Variants in KIAA1671 observed in about 807,000 individuals in gnomAD.
KIAA1671 encodes the protein KIAA1671.
In KIAA1671, 52 loss-of-function variants were observed where a neutral mutation model predicts 131.2. The ratio of observed to expected loss-of-function variants is 0.40; its 90% CI spans 0.32 to 0.50. The LOEUF is 0.50. Among genes scored for constraint, KIAA1671 ranks in the 20% least tolerant of loss-of-function variants. The pLI, the probability that KIAA1671 is intolerant of heterozygous loss-of-function variation, is 0.73. For missense variants in KIAA1671, 2,360 were observed against 2,364.2 expected (o/e 1.00, Z 0.04); for synonymous variants, 1,003 against 961.6 (o/e 1.04, Z -0.80).
chr22:24,953,556 GTT>G (rs1921531287), intron 1 of KIAA1671, among the ~76,000 whole-genome samples: 1 of 152,014 alleles, frequency 6.6e-6, no homozygotes. Context: ...CAGTCCCCCT[GTT>G]ACCAGGCAGG....
At chr22:25,082,374 C>T (rs559043421) in intron 6 of KIAA1671, among the ~76,000 whole-genome samples, 2 of 152,222 alleles carry the variant, frequency 1.3e-5, no homozygotes, top group South Asian at 2.1e-4. Context: ...AACCACAATG[C>T]GCAGAGGCCA....
Position 25,049,274 on chromosome 22 carries a change from G to T in KIAA1671, c.4440G>T (p.Lys1480Asn). Residue 1480 changes from lysine (K) to asparagine (N), a missense_variant, in exon 6 of 13, where the codon AAG (lysine) becomes AAT (asparagine). By Grantham distance (94) the Lys-to-Asn change is moderately conservative. Transcript: ENST00000358431. ...DLEKEDAPQE[K>N]ERPLQQVSPV... ...AGAAGGAGGATGCCCCCCAGGAGAAGGAGCGACCGCTCCAGCAGGTGTCCC... is the reference window on the plus strand; with the variant it reads ...AGAAGGAGGATGCCCCCCAGGAGAATGAGCGACCGCTCCAGCAGGTGTCCC... 6.4e-7 allele frequency: 1 copy of T among 1,552,006 alleles called. No homozygotes were observed. Among genetic ancestry groups the T allele is most frequent in the Non-Finnish European group, 8.7e-7 (1 of 1,147,024 alleles).
chr22:24,992,740 G>A (rs1485034558), intron 1 of KIAA1671, among the ~76,000 whole-genome samples: 1 of 150,092 alleles, frequency 6.7e-6, no homozygotes, highest in African/African-American at 2.5e-5. Flanking sequence ...GCTTGAACCC[G>A]GGAGGCGGAG....
At chr22:25,067,166 T>TG (rs1390239533) in intron 6 of KIAA1671, among the ~76,000 whole-genome samples, 1 of 152,104 alleles carries the variant, frequency 6.6e-6, no homozygotes, top group East Asian at 1.9e-4. Flanking sequence ...GATGGGGACT[T>TG]GGGGGTCTCC....
At chr22:25,170,185 T>G (rs1031444860) in intron 6 of KIAA1671, among the ~76,000 whole-genome samples, 11 of 152,142 alleles carry the variant, frequency 7.2e-5, no homozygotes, top group African/African-American at 2.7e-4. Context: ...AGTACTGGGA[T>G]TACAAGAGTG....
chr22:25,167,922 T>G (rs1933700438), intron 6 of KIAA1671, among the ~76,000 whole-genome samples: 1 of 152,166 alleles, frequency 6.6e-6, no homozygotes, highest in South Asian at 2.1e-4. Context: ...CTGTCAAGTT[T>G]GCGCCTGTGC....
At chr22:25,139,874 G>A (rs1601349608) in intron 6 of KIAA1671, among the ~76,000 whole-genome samples, 1 of 152,198 alleles carries the variant, frequency 6.6e-6, no homozygotes, top group African/African-American at 2.4e-5. Context: ...GAAGGCCTAA[G>A]GACGGAGTGT....
At chr22:25,025,468 C>T (rs1373541121) in intron 1 of KIAA1671, among the ~76,000 whole-genome samples, 165 bp from the exon 2 acceptor site, 1 of 152,128 alleles carries the variant, frequency 6.6e-6, no homozygotes, top group Non-Finnish European at 1.5e-5. Context: ...ACTATTTATG[C>T]ACACGTACAT....
At position 25,187,551 on chromosome 22, in the gene KIAA1671, C is replaced by CT. The variant is rs1266996866; in HGVS notation, c.5342+2433dup. Among the ~76,000 whole-genome samples, 13 of 152,218 alleles carry CT rather than the reference C, an allele frequency of 8.5e-5. No individual in the cohort carries two copies. The South Asian group carries it at 1.2e-3, about 15-fold the overall frequency. On this transcript the variant is annotated intron_variant, in intron 11 of 12. Coordinates refer to ENST00000358431, the MANE Select transcript of KIAA1671 (RefSeq NM_001145206.2). ...GTTGTTTTTGAGACAGGGTCTCACT[C>CT]TGTCACCCAGGCTGGAATGCAATGG...
intron 6 of KIAA1671, among the ~76,000 whole-genome samples, chr22:25,150,127 T>C (rs890567150): frequency 2.0e-5 from 3 of 152,236 alleles, no homozygotes; most frequent in East Asian, 1.9e-4. Flanking sequence ...AAGTGCTCAG[T>C]GTCCTGAGCG....
rs147926635 is a variant in KIAA1671 at position 25,087,204 on chromosome 22, G to A, written c.4530+37840G>A. Among the ~76,000 whole-genome samples, 841 of 142,758 alleles carry A rather than the reference G, an allele frequency of 5.9e-3. 19 individuals are homozygous for A. Among genetic ancestry groups the A allele is most frequent in the African/African-American group, 0.021 (791 of 37,734 alleles). 93.7% of individuals were successfully genotyped at this position (142,758 alleles called of 152,430 possible). On this transcript the variant is annotated intron_variant, in intron 6 of 12. Transcript: ENST00000358431. ...TCTTATTTACCAACCTCAGCTACAT[G>A]TCTTGCTTTTCCAAACTTCTCATGC...
chr22:25,049,470 G>A (rs1489068049), intron 6 of KIAA1671, 106 bp downstream of exon 6: 2 of 1,304,352 alleles, frequency 1.5e-6, no homozygotes, highest in Non-Finnish European at 1.0e-6. Flanking sequence ...GGCCCTGACG[G>A]GGTTGAGGGC....
At chr22:25,011,184 C>G (rs1410785197) in intron 1 of KIAA1671, 1 of 151,956 alleles carries the variant, frequency 6.6e-6, no homozygotes, top group Non-Finnish European at 1.5e-5. Context: ...ACTCTGTCGC[C>G]TAGACTGGGA....
At chr22:24,965,936 G>A (rs1208170830) in intron 1 of KIAA1671, among the ~76,000 whole-genome samples, 1 of 152,130 alleles carries the variant, frequency 6.6e-6, no homozygotes, top group African/African-American at 2.4e-5. Flanking sequence ...CAGTTCCTCT[G>A]ACATAGATTT....
At chr22:25,150,011 C>T (rs796581536) in intron 6 of KIAA1671, among the ~76,000 whole-genome samples, 32 of 152,300 alleles carry the variant, frequency 2.1e-4, no homozygotes, top group African/African-American at 4.6e-4. Context: ...TTGAAATGGT[C>T]GGCTTTAATA....
At chr22:25,122,234 G>A (rs906761593) in intron 6 of KIAA1671, among the ~76,000 whole-genome samples, 2 of 152,096 alleles carry the variant, frequency 1.3e-5, no homozygotes, top group African/African-American at 4.8e-5. Context: ...ACAGAACCAG[G>A]GCAGAAGCAG....
At chr22:25,114,145 C>G (rs919113924) in intron 6 of KIAA1671, among the ~76,000 whole-genome samples, 1 of 152,284 alleles carries the variant, frequency 6.6e-6, no homozygotes, top group East Asian at 1.9e-4. Flanking sequence ...GAGATGCCAC[C>G]AAGAGTGTAA....
intron 1 of KIAA1671, among the ~76,000 whole-genome samples, chr22:25,006,279 C>A (rs977608188): frequency 6.6e-6 from 1 of 152,136 alleles, no homozygotes; most frequent in African/African-American, 2.4e-5. Context: ...GTGATCCACC[C>A]ACCTCGGCTC....
chr22:25,030,809 C>T (rs1396680211), intron 3 of KIAA1671, among the ~76,000 whole-genome samples: 31 of 152,180 alleles, frequency 2.0e-4, no homozygotes, highest in Non-Finnish European at 1.5e-5. Context: ...GGCATGCATG[C>T]CACTGACATA....
Sources: gnomAD v4.1 joint callset for allele counts (sites outside exome capture counted in the v4.1 genomes callset) on GRCh38, gnomAD v4.1.1 for gene constraint, MANE v1.5 for transcripts, NCBI Gene and HGNC (gene_info 2026-07-23, HGNC 2026-07-21) for gene names.